The following GALNT14 variants were observed in gnomAD, a reference collection of about 807,000 sequenced individuals.
GALNT14 encodes the protein UDP-GalNAc:polypeptide N-acetylgalactosaminyltransferase 14.
Under a neutral mutation model 77.5 loss-of-function variants are expected in GALNT14, and 60 were observed. The ratio of observed to expected loss-of-function variants is 0.77; its 90% CI spans 0.63 to 0.96. The LOEUF is 0.96. GALNT14 is among the 40% of genes least tolerant of loss of function. GALNT14 has a pLI of 0.00. For synonymous variants in GALNT14, 280 were observed against 281.7 expected (o/e 0.99, Z 0.06); for missense variants, 710 against 731.0 (o/e 0.97, Z 0.33).
At position 30,959,784 on chromosome 2, in the gene GALNT14, G is replaced by A. The variant is rs1667576528; in HGVS notation, c.399-1320C>T. ...TCTATCCAGGGGCAAGGTTAACTCT[G>A]TGTCTTAGGTCTGACTGAGATGACT... is the stretch of plus-strand genomic sequence containing the variant. On this transcript the variant is annotated intron_variant, in intron 3 of 14. Coordinates refer to ENST00000349752, the MANE Select transcript of GALNT14 (RefSeq NM_024572.4). 2.0e-5 allele frequency among the ~76,000 whole-genome samples: 3 copies of A among 152,264 alleles called. 1 individual carries two copies. In the South Asian group the frequency reaches 6.2e-4, roughly 32 times the overall value.
At chr2:31,109,035 A>G (rs781307122) in intron 1 of GALNT14, among the ~76,000 whole-genome samples, 2 of 152,224 alleles carry the variant, frequency 1.3e-5, no homozygotes, top group Admixed American at 6.5e-5. Context: ...AACCTCAACA[A>G]GTGAGGATTC....
intron 9 of GALNT14, among the ~76,000 whole-genome samples, chr2:30,937,547 C>T (rs1209034453): frequency 6.6e-6 from 1 of 152,184 alleles, no homozygotes; most frequent in African/African-American, 2.4e-5. Context: ...CAACTTGGGG[C>T]CTCTCTCGGC....
intron 2 of GALNT14, among the ~76,000 whole-genome samples, chr2:30,971,100 G>T (rs1368849017): frequency 6.6e-6 from 1 of 152,158 alleles, no homozygotes; most frequent in African/African-American, 2.4e-5. Context: ...TGAGCATGGG[G>T]ATAGGCAGCA....
chr2:30,944,961 C>T lies in GALNT14; in HGVS notation c.743-19G>A. ...TCAAACCCTACAACACAGCACCAAC[C>T]CACCTGCTTTGGTCTCTCAAAAGCA... On this transcript the variant is annotated intron_variant, in intron 7 of 14. Transcript: ENST00000349752. 1.3e-6 allele frequency: 2 copies of T among 1,583,686 alleles called. No individual in the cohort carries two copies. The highest frequency in any genetic ancestry group is 1.7e-6 in the Non-Finnish European group (2 of 1,161,482).
At chr2:31,049,029 A>G (rs1673669279) in intron 1 of GALNT14, among the ~76,000 whole-genome samples, 1 of 152,060 alleles carries the variant, frequency 6.6e-6, no homozygotes, top group South Asian at 2.1e-4. Context: ...GAAGGGAGAG[A>G]GCATGTTGCC....
intron 9 of GALNT14, among the ~76,000 whole-genome samples, chr2:30,935,656 G>C (rs567442752): frequency 6.6e-6 from 1 of 152,334 alleles, no homozygotes; most frequent in East Asian, 1.9e-4. Flanking sequence ...GGATGACAGT[G>C]TGGGTTATTT....
downstream of GALNT14, among the ~76,000 whole-genome samples, chr2:30,910,280 C>T (rs899221397): frequency 6.6e-5 from 10 of 151,968 alleles, no homozygotes; most frequent in Non-Finnish European, 1.5e-4. Context: ...AATGGTGGGT[C>T]AAAGAAGTTA....
chr2:30,898,823 C>A, the GALNT14 span, among the ~76,000 whole-genome samples: 1 of 152,052 alleles, frequency 6.6e-6, no homozygotes, highest in Non-Finnish European at 1.5e-5. Context: ...CGAGAGGCAA[C>A]CTTGGAGGAG....
At chr2:30,917,367 G>T (rs1044063706) in intron 13 of GALNT14, among the ~76,000 whole-genome samples, 3 of 152,160 alleles carry the variant, frequency 2.0e-5, no homozygotes, top group African/African-American at 7.2e-5. Context: ...AACAAAGAAG[G>T]ATCTGGCCCT....
At chr2:31,097,133 T>A (rs1054436524) in intron 1 of GALNT14, among the ~76,000 whole-genome samples, 1 of 152,112 alleles carries the variant, frequency 6.6e-6, no homozygotes, top group Non-Finnish European at 1.5e-5. Context: ...ATAGGATAAC[T>A]AGATACAGTG....
chr2:30,923,638 AC>A (rs1204359632), intron 13 of GALNT14, among the ~76,000 whole-genome samples: 1 of 152,106 alleles, frequency 6.6e-6, no homozygotes, highest in East Asian at 1.9e-4. Flanking sequence ...AGAGGGTTTT[AC>A]CAAATCTGAT....
At chr2:30,917,638 C>T (rs73921191) in intron 13 of GALNT14, among the ~76,000 whole-genome samples, 1,833 of 152,310 alleles carry the variant, frequency 0.012, 39 homozygotes, top group African/African-American at 0.041. Flanking sequence ...CTTTCAAGGG[C>T]CAGGCCTGGT....
In GALNT14 at chr2:31,086,546, C is replaced by G. The variant is rs541610077; in HGVS notation, c.129+51412G>C. On this transcript the variant is annotated intron_variant, in intron 1 of 14. Transcript: ENST00000349752. ...CATATGAATGATGTTAGCAGTTTTT[C>G]AGCCTTTCAGTGTGAAAAAAAAAAA... Among the ~76,000 whole-genome samples, 19 of 151,754 alleles carry G rather than the reference C, an allele frequency of 1.3e-4. No individual in the cohort carries two copies. In the South Asian group the frequency reaches 3.9e-3, roughly 32 times the overall value.
At chr2:31,102,762 C>A (rs558504881) in intron 1 of GALNT14, among the ~76,000 whole-genome samples, 3 of 152,046 alleles carry the variant, frequency 2.0e-5, no homozygotes, top group Non-Finnish European at 4.4e-5. Flanking sequence ...CCGTTACCAG[C>A]GTGTTTTCGT....
At chr2:30,983,303 T>A (rs1573089594) in intron 2 of GALNT14, among the ~76,000 whole-genome samples, 1 of 151,018 alleles carries the variant, frequency 6.6e-6, no homozygotes, top group South Asian at 2.1e-4. Context: ...GGGCACACTT[T>A]CAGTCTGTTT....
At chr2:31,091,562 A>G (rs1170508212) in intron 1 of GALNT14, among the ~76,000 whole-genome samples, 1 of 152,240 alleles carries the variant, frequency 6.6e-6, no homozygotes, top group Non-Finnish European at 1.5e-5. Flanking sequence ...ATTTTAGTCC[A>G]TCCAGGCTGC....
intron 1 of GALNT14, among the ~76,000 whole-genome samples, chr2:31,100,735 C>T (rs1051196739): frequency 1.3e-5 from 2 of 151,810 alleles, no homozygotes; most frequent in Non-Finnish European, 2.9e-5. Context: ...TATACAGATG[C>T]TCCTAGACTT....
intron 6 of GALNT14, 38 bp from the exon 7 acceptor site, chr2:30,945,908 G>A (rs964047309): frequency 6.3e-7 from 1 of 1,580,492 alleles, no homozygotes. Context: ...TTATGGAGAG[G>A]AGCCCAGCTG....
chr2:31,071,544 C>T (rs1675366274), intron 1 of GALNT14, among the ~76,000 whole-genome samples: 2 of 152,104 alleles, frequency 1.3e-5, no homozygotes, highest in Admixed American at 1.3e-4. Context: ...GGGCTCCACA[C>T]AGCCAGACCC....
Sources: gnomAD v4.1 joint callset for allele counts (sites outside exome capture counted in the v4.1 genomes callset) on GRCh38, gnomAD v4.1.1 for gene constraint, MANE v1.5 for transcripts, NCBI Gene and HGNC (gene_info 2026-07-23, HGNC 2026-07-21) for gene names.